ZBED6: variants seen among roughly 807,000 people sequenced by gnomAD.
ZBED6 encodes the protein zinc finger BED-type containing 6, also known as zinc finger BED domain-containing protein 6.
ZBED6 carries 40 observed loss-of-function variants against 58.4 expected under a neutral mutation model. The observed-to-expected ratio is 0.68, with a 90% CI of 0.53 to 0.89. The LOEUF is 0.89. Among genes scored for constraint, ZBED6 ranks in the 40% least tolerant of loss-of-function variants. The pLI is 0.00. For synonymous variants in ZBED6, 439 were observed against 350.6 expected (o/e 1.25, Z -2.82); for missense variants, 1,057 against 1,003.9 (o/e 1.05, Z -0.71).
At position 203,829,673 on chromosome 1, in the gene ZBED6, C is replaced by T; in HGVS notation, c.*3201+19C>T. 6.2e-7 allele frequency: 1 copy of T among 1,614,128 alleles called. No homozygotes were observed. The highest frequency in any genetic ancestry group is 8.5e-7 in the Non-Finnish European group (1 of 1,179,972). ...GATGATGGTAAGTTCTGTCTGGCTC[C>T]TTCTTTAAGGCAAATAAATAGGGTC... On this transcript the variant is annotated intron_variant, in intron 5 of 16. Coordinates refer to ENST00000550078, the Ensembl canonical transcript of ZBED6.
At chr1:203,837,915 C>G in intron 9 of ZBED6, 51 bp from the exon 10 acceptor site, 1 of 1,551,400 alleles carries the variant, frequency 6.4e-7, no homozygotes, top group Non-Finnish European at 8.8e-7. Flanking sequence ...TATTTCTTGT[C>G]CTTGCTGAAG....
At chr1:203,817,115 A>G (rs761955392) in exon 2 of ZBED6, 2 of 1,607,670 alleles carry the variant, frequency 1.2e-6, no homozygotes, top group Non-Finnish European at 1.7e-6. Flanking sequence ...TCTATTCCAC[A>G]TGTACCAAAG....
At chr1:203,821,931 G>A (rs1043745094) in intron 3 of ZBED6, among the ~76,000 whole-genome samples, 13 of 151,892 alleles carry the variant, frequency 8.6e-5, no homozygotes, top group Non-Finnish European at 1.2e-4. Flanking sequence ...CTAATTTTTT[G>A]TACTTTTAGT....
At chr1:203,850,951 C>T in intron 15 of ZBED6, 106 bp from the exon 16 acceptor site, 1 of 1,360,376 alleles carries the variant, frequency 7.4e-7, no homozygotes, top group South Asian at 1.2e-5. Flanking sequence ...GATTCACAGG[C>T]TTAAAGAATC....
chr1:203,841,842 A>T lies in ZBED6; in HGVS notation c.*3741+1468A>T, dbSNP rs902482180. Among the ~76,000 whole-genome samples, 13 of 150,754 alleles carry T rather than the reference A, an allele frequency of 8.6e-5. 1 individual carries two copies. The highest frequency in any genetic ancestry group is 1.9e-4 in the Non-Finnish European group (13 of 67,718). On this transcript the variant is annotated intron_variant, in intron 11 of 16. Coordinates refer to ENST00000550078, the Ensembl canonical transcript of ZBED6. ...GGCGGAGGGGCTCCTCACTTCGCAG[A>T]CGGGGCGGCTGCCGGGCGGAGGGGC... is the stretch of plus-strand genomic sequence containing the variant.
intron 1 of ZBED6, among the ~76,000 whole-genome samples, chr1:203,808,994 C>G (rs761123595): frequency 2.0e-4 from 30 of 151,816 alleles, no homozygotes; most frequent in Non-Finnish European, 3.5e-4. Context: ...CCACGCCCAG[C>G]TAATTTTGTA....
intron 9 of ZBED6, among the ~76,000 whole-genome samples, chr1:203,836,476 G>A (rs1055287846): frequency 6.6e-5 from 10 of 152,268 alleles, no homozygotes; most frequent in Middle Eastern, 3.4e-3. Flanking sequence ...AAGGCTGGGC[G>A]CGGTAGCTTA....
chr1:203,806,192 C>A, intron 1 of ZBED6: 1 of 457,364 alleles, frequency 2.2e-6, no homozygotes, highest in South Asian at 1.7e-5. Flanking sequence ...GCCCTGCTGT[C>A]CACCATGCCA....
chr1:203,840,388 A>G lies in ZBED6; in HGVS notation c.*3741+14A>G. The G allele has an allele frequency of 1.2e-6, 2 of 1,609,404 alleles. No homozygotes were observed. Among genetic ancestry groups the G allele is most frequent in the South Asian group, 1.1e-5 (1 of 90,298 alleles). ...AGGATGCAACAGGTAAGTAAATCCTAAGACCAGATTCTGATTATTTTTTTC... is the reference window on the plus strand; with the variant it reads ...AGGATGCAACAGGTAAGTAAATCCTGAGACCAGATTCTGATTATTTTTTTC... On this transcript the variant is annotated intron_variant, in intron 11 of 16. Coordinates refer to ENST00000550078, the Ensembl canonical transcript of ZBED6.
rs994030038 is a variant in ZBED6 at position 203,798,905 on chromosome 1, T to C, written c.1383T>C (p.Tyr461=). The change falls in exon 1 of 17, where the codon TAT becomes TAC. Residue 461 remains tyrosine (Y), a synonymous_variant. Transcript: ENST00000550078. The stretch of plus-strand genomic sequence containing the variant: ...TCACTAAGGCTGTACCTCAGTTATA[T>C]GATTGTGTCAGAGAAAAAATTTTCT... 3.3e-6 allele frequency: 5 copies of C among 1,536,020 alleles called. No homozygotes were observed. The African/African-American group carries it at 6.8e-5, about 21-fold the overall frequency.
chr1:203,807,063 A>G (rs1233189746), intron 1 of ZBED6, among the ~76,000 whole-genome samples: 4 of 151,474 alleles, frequency 2.6e-5, no homozygotes, highest in Non-Finnish European at 5.9e-5. Flanking sequence ...TTCAATTTTT[A>G]TTTAGAGATG....
At chr1:203,802,549 TTC>T (rs1670841953) in exon 1 of ZBED6, 1 of 152,366 alleles carries the variant, frequency 6.6e-6, no homozygotes, top group African/African-American at 2.4e-5. Flanking sequence ...GGGGGAAGGT[TTC>T]TGTTTTTTTC....
chr1:203,833,726 A>G, intron 8 of ZBED6, 65 bp from the exon 9 acceptor site: 2 of 1,412,778 alleles, frequency 1.4e-6, no homozygotes, highest in South Asian at 1.2e-5. Context: ...CTTTGTACCC[A>G]TTAGTAGTTA....
Position 203,817,125 on chromosome 1 carries a change from G to C in ZBED6, c.*2753+1G>C. On this transcript the variant is annotated splice_donor_variant, in intron 2 of 16. Coordinates refer to ENST00000550078, the Ensembl canonical transcript of ZBED6. LOFTEE classifies it low-confidence loss of function (3UTR_SPLICE). ...TTTTTTCTATTCCACATGTACCAAA[G>C]TAAGAATTGACATCTTTAAATCAGT... 1 of 1,604,376 alleles carries C rather than the reference G, an allele frequency of 6.2e-7. No homozygotes were observed. Among genetic ancestry groups the C allele is most frequent in the Non-Finnish European group, 8.5e-7 (1 of 1,175,352 alleles).
chr1:203,810,086 A>T (rs1030481868), intron 1 of ZBED6, among the ~76,000 whole-genome samples: 1 of 122,052 alleles, frequency 8.2e-6, no homozygotes. Context: ...GATAGTATTG[A>T]TTATAAAGTC....
intron 1 of ZBED6, among the ~76,000 whole-genome samples, chr1:203,811,741 C>A (rs1407213981): frequency 6.6e-6 from 1 of 151,958 alleles, no homozygotes; most frequent in Non-Finnish European, 1.5e-5. Flanking sequence ...AACTCTTGAC[C>A]TCAAATGACT....
intron 9 of ZBED6, among the ~76,000 whole-genome samples, chr1:203,836,913 C>T (rs1392504767): frequency 6.6e-6 from 1 of 152,222 alleles, no homozygotes; most frequent in Non-Finnish European, 1.5e-5. Flanking sequence ...TTATGTGGCT[C>T]TTAAAGTCTT....
chr1:203,843,933 C>G (rs989969124), intron 11 of ZBED6, among the ~76,000 whole-genome samples: 3 of 152,092 alleles, frequency 2.0e-5, no homozygotes, highest in African/African-American at 7.2e-5. Context: ...TCTCGGCTCA[C>G]TGCAACCTCT....
chr1:203,847,481 C>T (rs1243119998), exon 12 of ZBED6: 2 of 1,613,772 alleles, frequency 1.2e-6, no homozygotes, highest in African/African-American at 2.7e-5. Flanking sequence ...GTAGTTTTGC[C>T]ACCCATTGTT....
Sources: gnomAD v4.1 joint callset for allele counts (sites outside exome capture counted in the v4.1 genomes callset) on GRCh38, gnomAD v4.1.1 for gene constraint, MANE v1.5 for transcripts, NCBI Gene and HGNC (gene_info 2026-07-23, HGNC 2026-07-21) for gene names.